CSMD1: variants seen among roughly 807,000 people sequenced by gnomAD.
CSMD1 encodes CUB and sushi domain-containing protein 1.
Under a neutral mutation model 417.5 loss-of-function variants are expected in CSMD1, and 213 were observed. That is an observed-to-expected ratio of 0.51 (90% CI 0.46 to 0.57). The LOEUF is 0.57. Ranked by LOEUF, CSMD1 falls within the 20% of genes least tolerant of loss-of-function variation. CSMD1 has a pLI of 0.00. For synonymous variants in CSMD1, 2,862 were observed against 1,736.8 expected (o/e 1.65, Z -16.11); for missense variants, 6,923 against 4,529.7 (o/e 1.53, Z -15.17).
chr8:4,911,226 C>G (rs1330328288), intron 1 of CSMD1, among the ~76,000 whole-genome samples: 1 of 152,214 alleles, frequency 6.6e-6, no homozygotes, highest in East Asian at 1.9e-4. Flanking sequence ...CAAATTCTGT[C>G]TGCTCCATCA....
intron 3 of CSMD1, among the ~76,000 whole-genome samples, chr8:4,147,370 G>T (rs888699615): frequency 6.6e-6 from 1 of 151,946 alleles, no homozygotes; most frequent in East Asian, 1.9e-4. Context: ...GTCCTCAGTG[G>T]CTGTGCTCTC....
At chr8:4,392,283 T>C (rs1278658470) in intron 3 of CSMD1, among the ~76,000 whole-genome samples, 2 of 152,158 alleles carry the variant, frequency 1.3e-5, no homozygotes, top group African/African-American at 2.4e-5. Context: ...GCTGATAATA[T>C]ATCCTGGAAT....
intron 6 of CSMD1, among the ~76,000 whole-genome samples, chr8:3,748,597 A>G (rs2129052490): frequency 6.6e-6 from 1 of 152,336 alleles, no homozygotes; most frequent in Non-Finnish European, 1.5e-5. Flanking sequence ...CATGCATGCC[A>G]CCAGAATCCA....
chr8:4,568,506 T>C (rs1343484722), intron 2 of CSMD1, among the ~76,000 whole-genome samples: 1 of 152,200 alleles, frequency 6.6e-6, no homozygotes, highest in East Asian at 1.9e-4. Flanking sequence ...ACATTTTCTT[T>C]ATCCAGTCTA....
chr8:3,350,857 A>T (rs1332457744), intron 21 of CSMD1, among the ~76,000 whole-genome samples: 1 of 104,120 alleles, frequency 9.6e-6, no homozygotes, highest in East Asian at 2.4e-4. Context: ...ATTTTTTTTA[A>T]AAAAAGCAGA....
At chr8:4,162,875 C>G (rs1179205812) in intron 3 of CSMD1, among the ~76,000 whole-genome samples, 1 of 152,154 alleles carries the variant, frequency 6.6e-6, no homozygotes, top group African/African-American at 2.4e-5. Flanking sequence ...TTTCCCCGCC[C>G]TAAAAATTTC....
At chr8:4,388,394 G>C (rs1283833889) in intron 3 of CSMD1, among the ~76,000 whole-genome samples, 1 of 151,362 alleles carries the variant, frequency 6.6e-6, no homozygotes, top group Non-Finnish European at 1.5e-5. Context: ...TGAATTAATG[G>C]CATTTGCAGA....
chr8:3,903,822 G>A (rs150029965), intron 5 of CSMD1, among the ~76,000 whole-genome samples: 16 of 152,116 alleles, frequency 1.1e-4, no homozygotes, highest in East Asian at 5.8e-4. Flanking sequence ...TGTTTTCTTC[G>A]AGCTCTGAGG....
intron 1 of CSMD1, among the ~76,000 whole-genome samples, chr8:4,827,626 G>A (rs1003169060): frequency 6.6e-6 from 1 of 152,084 alleles, no homozygotes; most frequent in Non-Finnish European, 1.5e-5. Context: ...AGATTGAATA[G>A]GTAAGTCTTT....
At chr8:3,439,154 C>CAAGAAAAAAAA (rs1814781927) in intron 12 of CSMD1, among the ~76,000 whole-genome samples, 1 of 26,620 alleles carries the variant, frequency 3.8e-5, no homozygotes, top group Non-Finnish European at 6.3e-5. Flanking sequence ...AAAAAAAAAC[C>CAAGAAAAAAAA]AAGAAAAAAA....
In CSMD1 at chr8:4,109,081, G is replaced by A. The variant is rs116440128; in HGVS notation, c.416-76982C>T. Among the ~76,000 whole-genome samples, 821 of 152,140 alleles carry A rather than the reference G, an allele frequency of 5.4e-3. 15 individuals are homozygous for A. The highest frequency in any genetic ancestry group is 0.018 in the African/African-American group (761 of 41,508). ...AATGGCATAGTATTTGCATATAACC[G>A]CATCCATTCTCCCTATATACATTAA... On this transcript the variant is annotated intron_variant, in intron 3 of 69. Coordinates refer to ENST00000635120, the MANE Select transcript of CSMD1 (RefSeq NM_033225.6).
chr8:3,025,239 C>T (rs368495066), intron 51 of CSMD1, among the ~76,000 whole-genome samples: 1,111 of 65,974 alleles, frequency 0.017, no homozygotes, highest in Middle Eastern at 0.054. Context: ...ATTCTGATAC[C>T]GTGTATTGTG....
intron 3 of CSMD1, among the ~76,000 whole-genome samples, chr8:4,341,153 G>C (rs1050637594): frequency 6.6e-6 from 1 of 151,992 alleles, no homozygotes; most frequent in Non-Finnish European, 1.5e-5. Context: ...CAAGCATTTT[G>C]AATTAGTAGG....
At chr8:3,547,601 A>G (rs1368552264) in intron 10 of CSMD1, among the ~76,000 whole-genome samples, 1 of 152,208 alleles carries the variant, frequency 6.6e-6, no homozygotes, top group East Asian at 1.9e-4. Flanking sequence ...TTTACTATTT[A>G]AATATTAAGT....
At chr8:3,642,345 G>A (rs1244876068) in intron 7 of CSMD1, among the ~76,000 whole-genome samples, 2 of 152,058 alleles carry the variant, frequency 1.3e-5, no homozygotes, top group South Asian at 2.1e-4. Flanking sequence ...GGTGCTGTGG[G>A]GAGAAAGAAG....
intron 5 of CSMD1, among the ~76,000 whole-genome samples, chr8:3,921,359 C>T (rs2627396): frequency 2.0e-5 from 3 of 151,910 alleles, no homozygotes; most frequent in East Asian, 1.9e-4. Flanking sequence ...CAGTATTTTT[C>T]ATTTTTCTTT....
rs1216297895 is a variant in CSMD1 at position 3,777,961 on chromosome 8, G to T, written c.819-23919C>A. On this transcript the variant is annotated intron_variant, in intron 5 of 69. Coordinates refer to ENST00000635120, the MANE Select transcript of CSMD1 (RefSeq NM_033225.6). ...GAGTCTCAGTTCCCACTCCAGACCT[G>T]CAGCCTCCTTGAAGTGCAGAGTCTC... is the stretch of plus-strand genomic sequence containing the variant. Among the ~76,000 whole-genome samples the T allele has an allele frequency of 2.0e-5, 3 of 152,260 alleles. No homozygotes were observed. The Middle Eastern group carries it at 0.01, about 518-fold the overall frequency.
chr8:4,429,968 C>G (rs1797779366), intron 2 of CSMD1, among the ~76,000 whole-genome samples: 1 of 152,144 alleles, frequency 6.6e-6, no homozygotes, highest in South Asian at 2.1e-4. Context: ...AGGGGAGAAT[C>G]CACTGGAAGC....
intron 5 of CSMD1, among the ~76,000 whole-genome samples, chr8:3,895,521 T>C (rs936503251): frequency 2.6e-5 from 4 of 152,116 alleles, no homozygotes; most frequent in Admixed American, 6.5e-5. Context: ...TATCTATCCT[T>C]AGGGAATAAA....
Sources: gnomAD v4.1 joint callset for allele counts (sites outside exome capture counted in the v4.1 genomes callset) on GRCh38, gnomAD v4.1.1 for gene constraint, MANE v1.5 for transcripts, NCBI Gene and HGNC (gene_info 2026-07-23, HGNC 2026-07-21) for gene names.